The following GALNT13 variants were observed in gnomAD, a reference collection of about 807,000 sequenced individuals.
The protein encoded by GALNT13 is UDP-GalNAc:polypeptide N-acetylgalactosaminyltransferase 13.
GALNT13 carries 28 observed loss-of-function variants against 64.2 expected under a neutral mutation model. That is an observed-to-expected ratio of 0.44 (90% CI 0.32 to 0.60). The LOEUF is 0.60. GALNT13 is among the 20% of genes least tolerant of loss of function. The pLI is 0.05. For missense variants in GALNT13, 577 were observed against 669.8 expected (o/e 0.86, Z 1.53); for synonymous variants, 214 against 224.6 (o/e 0.95, Z 0.42).
intron 1 of GALNT13, among the ~76,000 whole-genome samples, chr2:153,882,358 T>A (rs1686842664): frequency 6.6e-6 from 1 of 152,026 alleles, no homozygotes; most frequent in Non-Finnish European, 1.5e-5. Flanking sequence ...AATAGCCTTG[T>A]ATTCACAACT....
the GALNT13 span, among the ~76,000 whole-genome samples, chr2:153,264,378 G>A: frequency 6.6e-6 from 1 of 152,166 alleles, no homozygotes; most frequent in African/African-American, 2.4e-5. Flanking sequence ...AGACAGTGTG[G>A]CAATTCCTCA....
chr2:153,926,220 T>C (rs2105347316), intron 2 of GALNT13: 1 of 152,208 alleles, frequency 6.6e-6, no homozygotes, highest in South Asian at 2.1e-4. Flanking sequence ...GTATATGTTT[T>C]CAATATATTA....
the GALNT13 span, among the ~76,000 whole-genome samples, chr2:153,618,055 T>G: frequency 6.6e-6 from 1 of 151,972 alleles, no homozygotes; most frequent in Non-Finnish European, 1.5e-5. Context: ...GTTTCTTTTC[T>G]TCCACTAATT....
the GALNT13 span, among the ~76,000 whole-genome samples, chr2:153,319,542 G>T: frequency 6.6e-6 from 1 of 152,136 alleles, no homozygotes; most frequent in Non-Finnish European, 1.5e-5. Context: ...GCTTCTTAAA[G>T]TGTTGGAATT....
At chr2:153,434,518 C>T in the GALNT13 span, among the ~76,000 whole-genome samples, 2 of 152,180 alleles carry the variant, frequency 1.3e-5, no homozygotes, top group Non-Finnish European at 2.9e-5. Flanking sequence ...TAATGATCAC[C>T]ATTCTAACTG....
chr2:153,643,207 GA>G, the GALNT13 span, among the ~76,000 whole-genome samples: 2 of 151,238 alleles, frequency 1.3e-5, no homozygotes, highest in African/African-American at 2.4e-5. Context: ...AATTCACAAA[GA>G]AAAAACACTT....
At chr2:154,123,906 T>C (rs1283440050) in intron 3 of GALNT13, among the ~76,000 whole-genome samples, 1 of 152,036 alleles carries the variant, frequency 6.6e-6, no homozygotes, top group Non-Finnish European at 1.5e-5. Context: ...TCCTTTAGAG[T>C]ACAATGCATA....
the GALNT13 span, among the ~76,000 whole-genome samples, chr2:153,408,411 C>T: frequency 1.3e-5 from 2 of 152,106 alleles, no homozygotes; most frequent in Non-Finnish European, 2.9e-5. Context: ...AAGCAAAACC[C>T]ACGAAGAAGT....
At chr2:153,703,797 G>A in the GALNT13 span, among the ~76,000 whole-genome samples, 1 of 152,200 alleles carries the variant, frequency 6.6e-6, no homozygotes, top group African/African-American at 2.4e-5. Flanking sequence ...AGCAGAATAT[G>A]CTCTGCTTAG....
At chr2:153,083,514 T>C in the GALNT13 span, among the ~76,000 whole-genome samples, 1 of 152,212 alleles carries the variant, frequency 6.6e-6, no homozygotes, top group Non-Finnish European at 1.5e-5. Flanking sequence ...TTTTTTAATA[T>C]GTTTGTTGGC....
At chr2:153,953,595 A>G (rs1342312879) in intron 3 of GALNT13, among the ~76,000 whole-genome samples, 2 of 152,204 alleles carry the variant, frequency 1.3e-5, no homozygotes, top group Non-Finnish European at 2.9e-5. Flanking sequence ...TTGGAATTCA[A>G]GTACTGTGTT....
the GALNT13 span, among the ~76,000 whole-genome samples, chr2:153,856,355 T>A: frequency 3.3e-5 from 5 of 152,108 alleles, no homozygotes; most frequent in Non-Finnish European, 5.9e-5. Context: ...ATTAAGAACA[T>A]TAAAATACAA....
chr2:154,165,617 A>G (rs1447994575), intron 4 of GALNT13, among the ~76,000 whole-genome samples: 1 of 152,184 alleles, frequency 6.6e-6, no homozygotes, highest in Non-Finnish European at 1.5e-5. Flanking sequence ...AATTCTTGCA[A>G]TTTAACTTAA....
At chr2:154,040,003 T>C (rs1698889041) in intron 3 of GALNT13, among the ~76,000 whole-genome samples, 1 of 140,970 alleles carries the variant, frequency 7.1e-6, no homozygotes, top group Admixed American at 7.1e-5. Context: ...CAAACTGTGT[T>C]TTTTAAGTTC....
chr2:153,283,911 C>T, the GALNT13 span, among the ~76,000 whole-genome samples: 2 of 152,134 alleles, frequency 1.3e-5, no homozygotes, highest in Admixed American at 6.5e-5. Context: ...AATTGGTGCT[C>T]CAAATGGCTG....
the GALNT13 span, among the ~76,000 whole-genome samples, chr2:153,140,226 A>C: frequency 6.6e-6 from 1 of 152,112 alleles, no homozygotes; most frequent in Admixed American, 6.6e-5. Context: ...TATGCCAAGC[A>C]CTATTCCAGG....
the GALNT13 span, among the ~76,000 whole-genome samples, chr2:153,596,284 T>C: frequency 3.3e-5 from 5 of 152,184 alleles, no homozygotes; most frequent in African/African-American, 9.7e-5. Flanking sequence ...TTACATTCTT[T>C]TGATGAAATC....
At chr2:153,717,315 A>G in the GALNT13 span, among the ~76,000 whole-genome samples, 1 of 152,146 alleles carries the variant, frequency 6.6e-6, no homozygotes, top group East Asian at 1.9e-4. Flanking sequence ...ATTTCATTCC[A>G]CTTTAGTATT....
chr2:153,748,961 A>G, the GALNT13 span, among the ~76,000 whole-genome samples: 1 of 152,048 alleles, frequency 6.6e-6, no homozygotes, highest in South Asian at 2.1e-4. Context: ...CATCATTTGA[A>G]GTCTTAGACT....
Sources: gnomAD v4.1 joint callset for allele counts (sites outside exome capture counted in the v4.1 genomes callset) on GRCh38, gnomAD v4.1.1 for gene constraint, MANE v1.5 for transcripts, NCBI Gene and HGNC (gene_info 2026-07-23, HGNC 2026-07-21) for gene names.